Variants in CENPQ observed in about 807,000 individuals in gnomAD.
CENPQ encodes the protein chromosome 6 open reading frame 139.
A neutral mutation model predicts 36.6 loss-of-function variants in CENPQ; 27 were observed. The observed-to-expected ratio is 0.74, with a 90% CI of 0.54 to 1.02. The LOEUF is 1.02. CENPQ is among the 50% of genes least tolerant of loss of function. The pLI, the probability that CENPQ is intolerant of heterozygous loss-of-function variation, is 0.00. For synonymous variants in CENPQ, 101 were observed against 101.7 expected (o/e 0.99, Z 0.04); for missense variants, 306 against 301.8 (o/e 1.01, Z -0.10).
At chr6:49,469,618 G>A (rs974888014) in intron 1 of CENPQ, among the ~76,000 whole-genome samples, 9 of 152,128 alleles carry the variant, frequency 5.9e-5, no homozygotes, top group African/African-American at 1.7e-4. Context: ...AGATAGGATT[G>A]CAGTTTAAAT....
At chr6:49,475,417 T>C (rs531788665) in intron 5 of CENPQ, among the ~76,000 whole-genome samples, 2 of 152,250 alleles carry the variant, frequency 1.3e-5, no homozygotes, top group South Asian at 4.1e-4. Context: ...ATTGAGGGGA[T>C]GTATCTGAAA....
chr6:49,471,441 T>A (rs1037935656), intron 3 of CENPQ, among the ~76,000 whole-genome samples: 1 of 152,216 alleles, frequency 6.6e-6, no homozygotes, highest in Non-Finnish European at 1.5e-5. Flanking sequence ...TGCTTAAACA[T>A]CACTGTTTCA....
intron 1 of CENPQ, among the ~76,000 whole-genome samples, chr6:49,467,970 G>A (rs981334405): frequency 6.6e-6 from 1 of 152,202 alleles, no homozygotes; most frequent in African/African-American, 2.4e-5. Flanking sequence ...TTTGATTAAG[G>A]AGTAGTAGGA....
At chr6:49,486,357 C>CT (rs1411868043) in intron 6 of CENPQ, among the ~76,000 whole-genome samples, 1 of 152,172 alleles carries the variant, frequency 6.6e-6, no homozygotes, top group African/African-American at 2.4e-5. Flanking sequence ...CCACGGGAAA[C>CT]TAATATATGT....
chr6:49,482,875 C>G (rs1288642353), intron 6 of CENPQ, among the ~76,000 whole-genome samples: 1 of 152,116 alleles, frequency 6.6e-6, no homozygotes, highest in African/African-American at 2.4e-5. Flanking sequence ...CTCGCTGGCT[C>G]AGGAGTGAAG....
intron 6 of CENPQ, among the ~76,000 whole-genome samples, chr6:49,487,645 C>T (rs1368813314): frequency 6.6e-6 from 1 of 152,080 alleles, no homozygotes; most frequent in Non-Finnish European, 1.5e-5. Context: ...CCAAAGCATA[C>T]AGGCAATGTT....
chr6:49,472,051 T>G lies in CENPQ; in HGVS notation c.158-12T>G. ...CTAGATTGATCAGAGCCTCTTCTAT[T>G]ACTAACGACAGGACAAACAAAGCAC... On this transcript the variant is annotated splice_polypyrimidine_tract_variant and intron_variant, in intron 3 of 8. Coordinates refer to ENST00000335783, the MANE Select transcript of CENPQ (RefSeq NM_018132.4). 5.6e-6 allele frequency: 9 copies of G among 1,603,792 alleles called. No individual in the cohort carries two copies. The highest frequency in any genetic ancestry group is 7.6e-6 in the Non-Finnish European group (9 of 1,176,620).
At chr6:49,490,599 G>C (rs895288660) in intron 8 of CENPQ, among the ~76,000 whole-genome samples, 1 of 152,208 alleles carries the variant, frequency 6.6e-6, no homozygotes, top group Admixed American at 6.5e-5. Context: ...TTTGGCACAA[G>C]AGGCCTAGCT....
At chr6:49,483,160 C>T (rs968671257) in intron 6 of CENPQ, among the ~76,000 whole-genome samples, 75 of 152,120 alleles carry the variant, frequency 4.9e-4, no homozygotes, top group African/African-American at 1.7e-3. Flanking sequence ...CAAAGGTTCT[C>T]CACGTCCCCA....
intron 6 of CENPQ, among the ~76,000 whole-genome samples, chr6:49,482,485 A>G (rs1025980981): frequency 6.6e-6 from 1 of 152,114 alleles, no homozygotes; most frequent in Non-Finnish European, 1.5e-5. Flanking sequence ...GGGGCCCTGG[A>G]GTTGTAGTGT....
rs927711250 is a variant in CENPQ at position 49,480,852 on chromosome 6, A to G, written c.348-99A>G. The stretch of plus-strand genomic sequence containing the variant: ...CCCAGTGGTAATAAAAGAATATTGT[A>G]CCCTTAAGAATATGAGGACAAGAAA... On this transcript the variant is annotated intron_variant, in intron 5 of 8. Coordinates refer to ENST00000335783, the MANE Select transcript of CENPQ (RefSeq NM_018132.4). The G allele has an allele frequency of 6.9e-6, 5 of 726,970 alleles. No homozygotes were observed. The South Asian group carries it at 1.4e-4, about 20-fold the overall frequency. The allele number at this position is 726,970 out of a possible 1,614,324, so 45.0% of individuals were successfully genotyped here. A position where few individuals can be genotyped will look rare whatever the true frequency, so the allele number is the denominator to read the frequency against.
intron 3 of CENPQ, 86 bp downstream of exon 3, chr6:49,471,114 T>C: frequency 2.7e-6 from 2 of 737,700 alleles, no homozygotes; most frequent in Non-Finnish European, 4.1e-6. Context: ...ATCTTGTTTA[T>C]GAGTTCTGCA....
At chr6:49,489,594 A>C (rs762713318) in intron 8 of CENPQ, among the ~76,000 whole-genome samples, 5 of 152,194 alleles carry the variant, frequency 3.3e-5, no homozygotes, top group Non-Finnish European at 7.4e-5. Context: ...ATTTATTTTA[A>C]TATGTTTACA....
At position 49,488,669 on chromosome 6, in the gene CENPQ, A is replaced by G; in HGVS notation, c.660A>G (p.Lys220=). The G allele has an allele frequency of 6.2e-7, 1 of 1,612,930 alleles. No individual in the cohort carries two copies. Among genetic ancestry groups the G allele is most frequent in the Non-Finnish European group, 8.5e-7 (1 of 1,179,068 alleles). ...CGGAACTTTCTCAGAAAACTCTCAA[A>G]GCACCCACACTTCAGGTAAGTGCCT... ...SLPELSQKTL[K]APTLQKEILA... is the part of the protein sequence containing the mutation. Residue 220 remains lysine, a synonymous_variant, in exon 8 of 9, where the codon AAA becomes AAG. Transcript: ENST00000335783.
rs890263362 is a variant in CENPQ, at chr6:49,464,465, A to C, written c.-19+1012A>C. Among the ~76,000 whole-genome samples the C allele has an allele frequency of 7.2e-5, 11 of 152,284 alleles. No homozygotes were observed. The East Asian group carries it at 1.5e-3, about 21-fold the overall frequency. ...GTTTCTTAAAATAACAAAATAATGAATTTTGTACAGCAGTTGACTCTTCCA... is the reference window on the plus strand; with the variant it reads ...GTTTCTTAAAATAACAAAATAATGACTTTTGTACAGCAGTTGACTCTTCCA... On this transcript the variant is annotated intron_variant, in intron 1 of 8. Coordinates refer to ENST00000335783, the MANE Select transcript of CENPQ (RefSeq NM_018132.4).
chr6:49,483,314 G>C (rs1581853564), intron 6 of CENPQ, among the ~76,000 whole-genome samples: 2 of 152,266 alleles, frequency 1.3e-5, no homozygotes, highest in Non-Finnish European at 2.9e-5. Flanking sequence ...TAGACATAAA[G>C]GTTCTCCAAG....
chr6:49,481,088 AT>A lies in CENPQ; in HGVS notation c.477+11del, dbSNP rs1440462952. The A allele has an allele frequency of 1.3e-6, 2 of 1,588,630 alleles. No individual in the cohort carries two copies. The highest frequency in any genetic ancestry group is 1.4e-5 in the African/African-American group (1 of 73,548). ...GGTCTGGCATTACTACAGGTATGAA[AT>A]TTGAATAGGGAATCCATAATTAGAG... On this transcript the variant is annotated intron_variant, in intron 6 of 8. Coordinates refer to ENST00000335783, the MANE Select transcript of CENPQ (RefSeq NM_018132.4).
intron 2 of CENPQ, among the ~76,000 whole-genome samples, chr6:49,470,549 G>A (rs1225087491): frequency 1.3e-5 from 2 of 150,590 alleles, no homozygotes; most frequent in African/African-American, 4.9e-5. Context: ...TTGAACCCGG[G>A]AGGCAGAGGT....
intron 5 of CENPQ, among the ~76,000 whole-genome samples, chr6:49,480,197 C>T (rs1383383237): frequency 6.6e-6 from 1 of 151,982 alleles, no homozygotes; most frequent in Non-Finnish European, 1.5e-5. Flanking sequence ...AGTAGTAGAA[C>T]TTTTTAGAAC....
Sources: allele counts gnomAD v4.1 joint callset (sites outside exome capture counted in the v4.1 genomes callset), GRCh38; gene constraint gnomAD v4.1.1; transcripts MANE v1.5; gene names NCBI Gene and HGNC (gene_info 2026-07-23, HGNC 2026-07-21).